The following PKP4 variants were observed in gnomAD, a reference collection of about 807,000 sequenced individuals.
PKP4 encodes the protein plakophilin 4.
In PKP4, 90 loss-of-function variants were observed where a neutral mutation model predicts 145.1. That is an observed-to-expected ratio of 0.62 (90% CI 0.52 to 0.74). The LOEUF is 0.74. Ranked by LOEUF, PKP4 falls within the 30% of genes least tolerant of loss-of-function variation. PKP4 has a pLI of 0.00. For missense variants in PKP4, 1,340 were observed against 1,482.7 expected, an observed-to-expected ratio of 0.90 and a Z score of 1.58; for synonymous variants, 563 against 577.2, an observed-to-expected ratio of 0.98 and a Z score of 0.35.
At chr2:158,468,767 C>CTTT (rs1228680216) in intron 1 of PKP4, among the ~76,000 whole-genome samples, 2 of 73,976 alleles carry the variant, frequency 2.7e-5, no homozygotes, top group African/African-American at 1.0e-4. Flanking sequence ...TTTTCTTCTT[C>CTTT]TTCTTTTTTT....
At chr2:158,556,526 T>TA (rs2046107950) in intron 2 of PKP4, among the ~76,000 whole-genome samples, 1 of 150,414 alleles carries the variant, frequency 6.6e-6, no homozygotes, top group South Asian at 2.1e-4. Flanking sequence ...TTTCTCTCTT[T>TA]TTTTTTTTTT....
intron 7 of PKP4, among the ~76,000 whole-genome samples, chr2:158,626,562 T>G (rs939322811): frequency 6.6e-6 from 1 of 152,228 alleles, no homozygotes; most frequent in South Asian, 2.1e-4. Context: ...GTATTTTTAC[T>G]TTGAGAGATA....
Position 158,642,666 on chromosome 2 carries a change from T to C in PKP4, c.1876T>C (p.Ser626Pro). 1 of 1,610,014 alleles carries C rather than the reference T, an allele frequency of 6.2e-7. No homozygotes were observed. The highest frequency in any genetic ancestry group is 8.5e-7 in the Non-Finnish European group (1 of 1,177,300). The change falls in exon 11 of 22, where the codon TCT (serine) becomes CCT (proline). Residue 626 changes from serine to proline, a missense_variant. Transcript: ENST00000389759. ...IPALLRLLRKSIDAEVRELVT... is the reference protein window; with the variant it reads ...IPALLRLLRKPIDAEVRELVT... ...TGCCTTGTTGCGACTGTTGAGAAAA[T>C]CTATTGATGCAGAAGTAAGGGAGCT... is the stretch of plus-strand genomic sequence containing the variant.
intron 1 of PKP4, among the ~76,000 whole-genome samples, chr2:158,503,660 G>A (rs1191528967): frequency 1.3e-5 from 2 of 152,144 alleles, no homozygotes; most frequent in African/African-American, 4.8e-5. Flanking sequence ...TTTAGCAGCT[G>A]AGCAAAGTTT....
chr2:158,538,153 A>G (rs1444275276), intron 2 of PKP4, among the ~76,000 whole-genome samples: 1 of 152,250 alleles, frequency 6.6e-6, no homozygotes, highest in Non-Finnish European at 1.5e-5. Flanking sequence ...TTGATAAGAC[A>G]TTCGCTGCTT....
At chr2:158,514,214 C>A (rs879873913) in intron 1 of PKP4, among the ~76,000 whole-genome samples, 4 of 152,200 alleles carry the variant, frequency 2.6e-5, no homozygotes, top group African/African-American at 4.8e-5. Context: ...GTTTCAGGCA[C>A]TTTCTGGATC....
chr2:158,673,580 C>A, intron 17 of PKP4, 97 bp from the exon 18 acceptor site: 1 of 868,668 alleles, frequency 1.2e-6, no homozygotes. Context: ...GCCCTGAGAG[C>A]GATGGCCTGT....
intron 6 of PKP4, among the ~76,000 whole-genome samples, chr2:158,624,459 T>C (rs1558905577): frequency 6.6e-6 from 1 of 152,210 alleles, no homozygotes; most frequent in Admixed American, 6.5e-5. Flanking sequence ...ATAAATGCAT[T>C]GCCTTGGCCA....
intron 1 of PKP4, among the ~76,000 whole-genome samples, chr2:158,480,579 A>G (rs1574018968): frequency 6.6e-6 from 1 of 152,028 alleles, no homozygotes; most frequent in East Asian, 1.9e-4. Context: ...CTACTTACAG[A>G]AAAATGATTT....
chr2:158,545,310 C>CCAG (rs1559302813), intron 2 of PKP4, among the ~76,000 whole-genome samples: 4 of 151,910 alleles, frequency 2.6e-5, no homozygotes, highest in African/African-American at 7.3e-5. Flanking sequence ...TGTAATCCCA[C>CCAG]CAGCAGCAGT....
intron 3 of PKP4, among the ~76,000 whole-genome samples, chr2:158,587,497 A>G (rs2048900164): frequency 6.6e-6 from 1 of 152,070 alleles, no homozygotes; most frequent in Non-Finnish European, 1.5e-5. Flanking sequence ...GTTATACAGG[A>G]TATTTCAAGA....
chr2:158,467,441 A>G (rs1690800704), intron 1 of PKP4, among the ~76,000 whole-genome samples: 1 of 151,706 alleles, frequency 6.6e-6, no homozygotes, highest in African/African-American at 2.4e-5. Context: ...AGTTACAGCT[A>G]CTGAGGAAGC....
intron 8 of PKP4, 45 bp from the exon 9 acceptor site, chr2:158,634,025 C>G: frequency 1.9e-6 from 2 of 1,053,054 alleles, no homozygotes; most frequent in Non-Finnish European, 2.9e-6. Flanking sequence ...AAAGTGTGAT[C>G]TCATGGAGAA....
At chr2:158,479,385 G>T (rs893224062) in intron 1 of PKP4, among the ~76,000 whole-genome samples, 1 of 151,912 alleles carries the variant, frequency 6.6e-6, no homozygotes, top group African/African-American at 2.4e-5. Context: ...CACCATGCCC[G>T]GTTAATTTTT....
intron 3 of PKP4, among the ~76,000 whole-genome samples, chr2:158,584,946 T>C (rs187637898): frequency 8.5e-5 from 13 of 152,296 alleles, no homozygotes; most frequent in African/African-American, 3.1e-4. Context: ...TCCAAGTATT[T>C]GATTTTACAA....
chr2:158,550,988 T>G (rs1024882993), intron 2 of PKP4, among the ~76,000 whole-genome samples: 1 of 152,248 alleles, frequency 6.6e-6, no homozygotes, highest in African/African-American at 2.4e-5. Flanking sequence ...ATATAAAATA[T>G]GTGACCATAT....
At chr2:158,659,051 A>G (rs1214895697) in intron 12 of PKP4, 1 of 152,300 alleles carries the variant, frequency 6.6e-6, no homozygotes, top group African/African-American at 2.4e-5. Flanking sequence ...GTCAGCAGGT[A>G]CTTGTGGAAG....
At chr2:158,472,631 AAAG>A (rs1465294520) in intron 1 of PKP4, among the ~76,000 whole-genome samples, 1 of 151,548 alleles carries the variant, frequency 6.6e-6, no homozygotes, top group African/African-American at 2.4e-5. Flanking sequence ...AAAAAAAAAA[AAAG>A]AATTAAAAAC....
At chr2:158,673,377 C>T (rs1428840700) in intron 17 of PKP4, among the ~76,000 whole-genome samples, 1 of 152,186 alleles carries the variant, frequency 6.6e-6, no homozygotes, top group Non-Finnish European at 1.5e-5. Flanking sequence ...AGTAAAGATT[C>T]GGAGGGAGGT....
Sources: gnomAD v4.1 joint callset for allele counts (sites outside exome capture counted in the v4.1 genomes callset) on GRCh38, gnomAD v4.1.1 for gene constraint, MANE v1.5 for transcripts, NCBI Gene and HGNC (gene_info 2026-07-23, HGNC 2026-07-21) for gene names.